LRFN5: variants seen among roughly 807,000 people sequenced by gnomAD.
LRFN5 encodes the protein leucine rich repeat and fibronectin type III domain containing 5.
LRFN5 carries 24 observed loss-of-function variants against 45.6 expected under a neutral mutation model. That is an observed-to-expected ratio of 0.53 (90% CI 0.38 to 0.74). The LOEUF is 0.74. LRFN5 is among the 30% of genes least tolerant of loss of function. The pLI, the probability that LRFN5 is intolerant of heterozygous loss-of-function variation, is 0.00. For synonymous variants in LRFN5, 340 were observed against 313.8 expected (o/e 1.08, Z -0.88); for missense variants, 776 against 861.5 (o/e 0.90, Z 1.24).
chr14:41,740,548 T>C (rs1884647110), intron 1 of LRFN5, among the ~76,000 whole-genome samples: 1 of 151,968 alleles, frequency 6.6e-6, no homozygotes, highest in South Asian at 2.1e-4. Context: ...TGAAATAATG[T>C]ACCTGAACAT....
intron 5 of LRFN5, among the ~76,000 whole-genome samples, chr14:41,902,771 G>A (rs1020279273): frequency 6.6e-6 from 1 of 151,532 alleles, no homozygotes; most frequent in Non-Finnish European, 1.5e-5. Flanking sequence ...ACTACTTTTT[G>A]TAACTTGACC....
chr14:41,702,874 GAGAA>G (rs1286125149), intron 1 of LRFN5, among the ~76,000 whole-genome samples: 3 of 152,066 alleles, frequency 2.0e-5, no homozygotes, highest in Non-Finnish European at 4.4e-5. Flanking sequence ...AGTTAAGAGA[GAGAA>G]AGAAGTTGGT....
At position 41,891,962 on chromosome 14, in the gene LRFN5, A is replaced by G; in HGVS notation, c.2098A>G (p.Asn700Asp). 1 of 1,610,712 alleles carries G rather than the reference A, an allele frequency of 6.2e-7. No individual in the cohort carries two copies. The highest frequency in any genetic ancestry group is 1.1e-5 in the South Asian group (1 of 90,378). The change falls in exon 4 of 6, where the codon AAT (asparagine) becomes GAT (aspartate). Residue 700 changes from asparagine (N) to aspartate (D), a missense_variant and splice_region_variant. Asn to Asp is a conservative substitution (Grantham distance 23). This residue lies in a region of LRFN5 where 465 missense variants were observed against 456.4 expected (regional missense o/e 1.02). Coordinates refer to ENST00000298119, the MANE Select transcript of LRFN5 (RefSeq NM_152447.5). ...PTSKRAHIKPNALLTNVDQIV... is the reference protein window; with the variant it reads ...PTSKRAHIKPDALLTNVDQIV... ...GTCTAAAAGAGCACATATAAAGCCAAGTAAGTTTATCACTTTGCCTGCTGA... is the reference window on the plus strand; with the variant it reads ...GTCTAAAAGAGCACATATAAAGCCAGGTAAGTTTATCACTTTGCCTGCTGA...
chr14:41,808,038 T>C (rs1402452607), intron 2 of LRFN5, among the ~76,000 whole-genome samples: 1 of 150,752 alleles, frequency 6.6e-6, no homozygotes, highest in Non-Finnish European at 1.5e-5. Flanking sequence ...TATCCTACAG[T>C]GCAAATATGT....
intron 1 of LRFN5, among the ~76,000 whole-genome samples, chr14:41,628,904 A>T (rs1227117908): frequency 6.6e-6 from 1 of 152,138 alleles, no homozygotes; most frequent in East Asian, 1.9e-4. Flanking sequence ...CATAAGGCAC[A>T]GAGATGGTGC....
chr14:41,686,016 G>A (rs937394731), intron 1 of LRFN5, among the ~76,000 whole-genome samples: 1 of 152,086 alleles, frequency 6.6e-6, no homozygotes, highest in African/African-American at 2.4e-5. Context: ...ATCAATGGTA[G>A]TTTTATGGAA....
In LRFN5 at chr14:41,887,889, G is replaced by T. The variant is rs1890635131; in HGVS notation, c.1264G>T (p.Val422Leu). ...TACTAAATTGAGTCAAGATAAAATTGTGGTGGCAGAAGCTACATCATCAAC... is the reference window on the plus strand; with the variant it reads ...TACTAAATTGAGTCAAGATAAAATTTTGGTGGCAGAAGCTACATCATCAAC... Reference protein sequence around the residue: ...GDTKLSQDKIVVAEATSSTAL... With the variant: ...GDTKLSQDKILVAEATSSTAL... Residue 422 changes from valine to leucine, a missense_variant, in exon 3 of 6, where the codon GTG becomes TTG. Coordinates refer to ENST00000298119, the MANE Select transcript of LRFN5 (RefSeq NM_152447.5). This position sits in a 1 kb window ranked among gnomAD's most constrained non-coding sequence, Gnocchi z 4.8. 1.9e-6 allele frequency: 3 copies of T among 1,614,076 alleles called. No individual in the cohort carries two copies. The highest frequency in any genetic ancestry group is 2.2e-5 in the East Asian group (1 of 44,846).
At chr14:41,754,936 A>G (rs991211739) in intron 1 of LRFN5, among the ~76,000 whole-genome samples, 4 of 151,730 alleles carry the variant, frequency 2.6e-5, no homozygotes, top group Admixed American at 2.0e-4. Context: ...ACTGCTTTGA[A>G]TGTGTCCCAG....
At chr14:41,688,311 T>G (rs1194936481) in intron 1 of LRFN5, among the ~76,000 whole-genome samples, 1 of 151,912 alleles carries the variant, frequency 6.6e-6, no homozygotes, top group African/African-American at 2.4e-5. Context: ...ACTAAGAGAG[T>G]ATAGTTGGAT....
intron 1 of LRFN5, among the ~76,000 whole-genome samples, chr14:41,662,863 C>A (rs189078756): frequency 2.0e-5 from 3 of 152,158 alleles, no homozygotes; most frequent in East Asian, 3.9e-4. Flanking sequence ...ATCCATTGAT[C>A]CCAGTTTAAC....
At chr14:41,823,002 T>A (rs1241776) in intron 2 of LRFN5, among the ~76,000 whole-genome samples, 36,728 of 151,530 alleles carry the variant, frequency 0.24, 5,030 homozygotes, top group Middle Eastern at 0.36. Context: ...TATGATATAT[T>A]TTTTTCCACC....
At chr14:41,852,361 T>C (rs1311148572) in intron 2 of LRFN5, among the ~76,000 whole-genome samples, 2 of 151,840 alleles carry the variant, frequency 1.3e-5, no homozygotes, top group East Asian at 1.9e-4. Context: ...AGCGAAATAA[T>C]TGATAATCTA....
chr14:41,737,606 C>G (rs953834928), intron 1 of LRFN5, among the ~76,000 whole-genome samples: 1 of 152,102 alleles, frequency 6.6e-6, no homozygotes, highest in African/African-American at 2.4e-5. Flanking sequence ...AAAACCCCAT[C>G]ATCTCAGCCC....
intron 1 of LRFN5, among the ~76,000 whole-genome samples, chr14:41,629,396 T>C (rs888205615): frequency 2.0e-5 from 3 of 152,206 alleles, no homozygotes; most frequent in Non-Finnish European, 4.4e-5. Flanking sequence ...TTTCTATTAC[T>C]TATTTGTAAA....
chr14:41,888,202 G>C (rs372768870), intron 3 of LRFN5, among the ~76,000 whole-genome samples, 192 bp downstream of exon 3: 1 of 151,952 alleles, frequency 6.6e-6, no homozygotes, highest in Non-Finnish European at 1.5e-5. Flanking sequence ...TTTTTAGAGA[G>C]TTCAATTTAT....
chr14:41,787,730 A>C (rs892070371), intron 2 of LRFN5, among the ~76,000 whole-genome samples: 1 of 150,688 alleles, frequency 6.6e-6, no homozygotes, highest in South Asian at 2.1e-4. Context: ...TCCTATTGCT[A>C]TTTGTATTTT....
At chr14:41,707,534 C>T (rs1356771145) in intron 1 of LRFN5, among the ~76,000 whole-genome samples, 1 of 152,014 alleles carries the variant, frequency 6.6e-6, no homozygotes, top group East Asian at 1.9e-4. Context: ...AATGATGAAA[C>T]TCATCATGCT....
intron 2 of LRFN5, among the ~76,000 whole-genome samples, chr14:41,838,118 T>C (rs1888726747): frequency 6.6e-6 from 1 of 151,014 alleles, no homozygotes; most frequent in Non-Finnish European, 1.5e-5. Flanking sequence ...AATGTAATAC[T>C]ATTTTTTAAC....
chr14:41,705,772 T>A lies in LRFN5; in HGVS notation c.-196-61082T>A, dbSNP rs529915805. On this transcript the variant is annotated intron_variant, in intron 1 of 5. Coordinates refer to ENST00000298119, the MANE Select transcript of LRFN5 (RefSeq NM_152447.5). ...GGGTTTACACATTTATAGTAAACGATCTTTATATAGTTTATACAATATCTG... is the reference window on the plus strand; with the variant it reads ...GGGTTTACACATTTATAGTAAACGAACTTTATATAGTTTATACAATATCTG... Among the ~76,000 whole-genome samples the A allele has an allele frequency of 2.6e-4, 40 of 152,332 alleles. No homozygotes were observed. In the South Asian group the frequency reaches 8.1e-3, roughly 31 times the overall value.
Sources: gnomAD v4.1 joint callset for allele counts (sites outside exome capture counted in the v4.1 genomes callset) on GRCh38, gnomAD v4.1.1 for gene constraint, gnomAD v4.1.1 regional missense constraint, Gnocchi (gnomAD v3.1) non-coding constraint, MANE v1.5 for transcripts, NCBI Gene and HGNC (gene_info 2026-07-23, HGNC 2026-07-21) for gene names.